Variants in HEXIM2 observed in about 807,000 individuals in gnomAD.
HEXIM2 encodes the protein protein HEXIM2.
For synonymous variants in HEXIM2, 159 were observed against 162.7 expected, an observed-to-expected ratio of 0.98 and a Z score of 0.17; for missense variants, 413 against 390.8, an observed-to-expected ratio of 1.06 and a Z score of -0.48.
chr17:45,161,938 A>T lies in HEXIM2; in HGVS notation c.-286A>T. The T allele has an allele frequency of 1.0e-6, 1 of 985,552 alleles. No individual in the cohort carries two copies. Among genetic ancestry groups the T allele is most frequent in the East Asian group, 1.1e-4 (1 of 8,810 alleles). 61.1% of individuals were successfully genotyped at this position (985,552 alleles called of 1,614,324 possible). ...CCAGAGCTGCTGCAACTGCAGCAAGAGGTAGGGCTCAGGCGTTGGGAATTG... is the reference window on the plus strand; with the variant it reads ...CCAGAGCTGCTGCAACTGCAGCAAGTGGTAGGGCTCAGGCGTTGGGAATTG... On this transcript the variant is annotated 5_prime_UTR_variant, in exon 1 of 4. Transcript: ENST00000589230.
upstream of HEXIM2, chr17:45,160,642 C>T: frequency 3.3e-6 from 1 of 306,658 alleles, no homozygotes; most frequent in East Asian, 8.0e-5. Context: ...GTGCCCCAAC[C>T]CTGTAAAGGG....
chr17:45,169,878 T>A lies in HEXIM2; in HGVS notation c.*69T>A. On this transcript the variant is annotated 3_prime_UTR_variant, in exon 4 of 4. Transcript: ENST00000589230. ...CGTGCACACTCAGGCCAGCTGGGTC[T>A]CAAGGAGGCAGGTGGCAGATGAAAA... 1 of 1,334,622 alleles carries A rather than the reference T, an allele frequency of 7.5e-7. No individual in the cohort carries two copies. Among genetic ancestry groups the A allele is most frequent in the East Asian group, 2.6e-5 (1 of 37,954 alleles). 82.7% of individuals were successfully genotyped at this position (1,334,622 alleles called of 1,614,324 possible).
intron 1 of HEXIM2, 33 bp downstream of exon 1, chr17:45,162,064 G>C: frequency 1.1e-6 from 1 of 947,452 alleles, no homozygotes; most frequent in Non-Finnish European, 1.3e-6. Flanking sequence ...CTCTTTCCAT[G>C]ACTGTCTCCC....
intron 3 of HEXIM2, among the ~76,000 whole-genome samples, chr17:45,166,490 GAT>G (rs1267978668): frequency 3.3e-5 from 5 of 152,166 alleles, no homozygotes. Context: ...CCACTTAACA[GAT>G]ATTTACTGAG....
intron 3 of HEXIM2, among the ~76,000 whole-genome samples, chr17:45,167,743 C>T (rs148344834): frequency 0.062 from 9,364 of 151,984 alleles, 852 homozygotes; most frequent in African/African-American, 0.19. Context: ...TACAGGCGCC[C>T]GCCATCACAC....
intron 3 of HEXIM2, among the ~76,000 whole-genome samples, chr17:45,165,252 A>G (rs1213753397): frequency 6.6e-6 from 1 of 152,116 alleles, no homozygotes; most frequent in Non-Finnish European, 1.5e-5. Context: ...GAAGTAACAC[A>G]ACAAACTCCA....
chr17:45,164,427 C>T (rs2144056175), intron 3 of HEXIM2, among the ~76,000 whole-genome samples: 1 of 152,258 alleles, frequency 6.6e-6, no homozygotes, highest in South Asian at 2.1e-4. Flanking sequence ...TGCACTCCAG[C>T]CTGGGCAACA....
In HEXIM2 at chr17:45,162,634, G is replaced by A; in HGVS notation, c.-46G>A. On this transcript the variant is annotated splice_region_variant and 5_prime_UTR_variant, in exon 2 of 4. Transcript: ENST00000589230. Reference sequence around the variant, plus strand: ...CTTCGGGGCCTGCATTTGAGAATAAGGGTATGAAGGGCTGGGGTACAAAAT... The same window carrying A: ...CTTCGGGGCCTGCATTTGAGAATAAAGGTATGAAGGGCTGGGGTACAAAAT... 4.0e-6 allele frequency: 6 copies of A among 1,490,506 alleles called. No individual in the cohort carries two copies. Among genetic ancestry groups the A allele is most frequent in the Admixed American group, 2.2e-5 (1 of 45,306 alleles). The allele number at this position is 1,490,506 out of a possible 1,614,324, so 92.3% of individuals were successfully genotyped here.
upstream of HEXIM2, among the ~76,000 whole-genome samples, chr17:45,160,286 CT>C (rs35243030): frequency 6.6e-6 from 1 of 152,050 alleles, no homozygotes; most frequent in Non-Finnish European, 1.5e-5. Flanking sequence ...AAACTGGTTT[CT>C]TTTTTGGTAG....
At position 45,169,885 on chromosome 17, in the gene HEXIM2, G is replaced by A; in HGVS notation, c.*76G>A. ...ACTCAGGCCAGCTGGGTCTCAAGGA[G>A]GCAGGTGGCAGATGAAAACCACCGT... On this transcript the variant is annotated 3_prime_UTR_variant, in exon 4 of 4. Transcript: ENST00000589230. 1.5e-6 allele frequency: 2 copies of A among 1,295,202 alleles called. No individual in the cohort carries two copies. Among genetic ancestry groups the A allele is most frequent in the Non-Finnish European group, 2.0e-6 (2 of 988,072 alleles). 80.2% of individuals were successfully genotyped at this position (1,295,202 alleles called of 1,614,324 possible). A position where few individuals can be genotyped will look rare whatever the true frequency, so the allele number is the denominator to read the frequency against.
intron 3 of HEXIM2, among the ~76,000 whole-genome samples, chr17:45,163,883 A>C (rs536229166): frequency 1.3e-5 from 2 of 152,082 alleles, no homozygotes; most frequent in Admixed American, 1.3e-4. Context: ...GGCCAGGCGC[A>C]GTGGCTCACG....
chr17:45,161,099 G>A (rs1312629561), upstream of HEXIM2: 1 of 515,988 alleles, frequency 1.9e-6, no homozygotes, highest in African/African-American at 2.0e-5. Flanking sequence ...GAGTCCCTCT[G>A]TGCGGGGCCT....
At position 45,169,376 on chromosome 17, in the gene HEXIM2, C is replaced by T; in HGVS notation, c.428C>T (p.Thr143Ile). ...AKGQPVAPYN[T>I]TQFLMNDRDP... ...GGCCAGCCCGTGGCCCCCTACAACACCACCCAGTTCCTGATGAATGACAGG... is the reference window on the plus strand; with the variant it reads ...GGCCAGCCCGTGGCCCCCTACAACATCACCCAGTTCCTGATGAATGACAGG... The change falls in exon 4 of 4, where the codon ACC becomes ATC. Residue 143 changes from threonine (T) to isoleucine (I), a missense_variant. Physicochemically the swap from Thr to Ile is moderately conservative, Grantham distance 89 (BLOSUM62 -1). Coordinates refer to ENST00000589230, the MANE Select transcript of HEXIM2 (RefSeq NM_001303441.2). 1.2e-6 allele frequency: 2 copies of T among 1,613,998 alleles called. No individual in the cohort carries two copies. Among genetic ancestry groups the T allele is most frequent in the Non-Finnish European group, 1.7e-6 (2 of 1,180,014 alleles).
chr17:45,169,064 C>CT lies in HEXIM2; in HGVS notation c.117dup (p.Gly40TrpfsTer17), dbSNP rs765650594. ...CAAACACCCCCTGAGCGTCATGACT[C>CT]TGGTGGTTCCCTGCCCCTGACACCG... On this transcript the variant is annotated frameshift_variant, in exon 4 of 4. Transcript: ENST00000589230. LOFTEE classifies it low-confidence loss of function (END_TRUNC). 1 of 1,614,060 alleles carries CT rather than the reference C, an allele frequency of 6.2e-7. No homozygotes were observed. The highest frequency in any genetic ancestry group is 8.5e-7 in the Non-Finnish European group (1 of 1,179,994).
rs200888637 is a variant in HEXIM2 at position 45,169,559 on chromosome 17, G to T, written c.611G>T (p.Ser204Ile). ...SETYERFHTE[S>I]LQGRSKQELV... is the part of the protein sequence containing the mutation. ...ACTTACGAACGCTTCCACACCGAGA[G>T]CCTGCAGGGCCGCAGCAAGCAGGAG... The change falls in exon 4 of 4, where the codon AGC (serine) becomes ATC (isoleucine). Residue 204 changes from serine to isoleucine, a missense_variant. Physicochemically the swap from Ser to Ile is moderately radical, Grantham distance 142 (BLOSUM62 -2). Transcript: ENST00000589230. The T allele has an allele frequency of 5.6e-5, 88 of 1,558,604 alleles. No individual in the cohort carries two copies. The highest frequency in any genetic ancestry group is 7.6e-5 in the Non-Finnish European group (87 of 1,152,186).
At position 45,169,005 on chromosome 17, in the gene HEXIM2, C is replaced by A; in HGVS notation, c.67-10C>A. 1 of 1,588,372 alleles carries A rather than the reference C, an allele frequency of 6.3e-7. No individual in the cohort carries two copies. Among genetic ancestry groups the A allele is most frequent in the East Asian group, 2.2e-5 (1 of 44,612 alleles). ...TCTGATCCATCCTTCTTCCTCCTCC[C>A]TCTCTTTAGACCTCTGGTGCCCCGG... On this transcript the variant is annotated splice_polypyrimidine_tract_variant and intron_variant, in intron 3 of 3. Transcript: ENST00000589230.
chr17:45,164,177 C>T (rs1336506085), intron 3 of HEXIM2, among the ~76,000 whole-genome samples: 3 of 150,336 alleles, frequency 2.0e-5, no homozygotes, highest in Admixed American at 6.7e-5. Flanking sequence ...TGCTGGAAGC[C>T]GGGTGCAGTG....
At chr17:45,161,089 G>C, upstream of HEXIM2, 1 of 563,234 alleles carries the variant, frequency 1.8e-6, no homozygotes, top group Non-Finnish European at 3.0e-6. Context: ...GTCGAAGTGG[G>C]AGTCCCTCTG....
Position 45,169,773 on chromosome 17 carries a change from A to G in HEXIM2, c.825A>G (p.Arg275=), listed in dbSNP as rs1215809645. The change falls in exon 4 of 4, where the codon CGA becomes CGG. Residue 275 remains arginine (R), a synonymous_variant. Transcript: ENST00000589230. ...GTCAGGAGAACCAGATGTGGAACCG[A>G]GAGGGCTGCCGCTGTGATGAGGAGC... The part of the protein sequence containing the change: ...RLRQENQMWN[R]EGCRCDEEPG... The G allele has an allele frequency of 6.2e-6, 9 of 1,457,330 alleles. No homozygotes were observed. The highest frequency in any genetic ancestry group is 8.1e-6 in the Non-Finnish European group (9 of 1,105,320). 90.3% of individuals were successfully genotyped at this position (1,457,330 alleles called of 1,614,324 possible).
Sources: gnomAD v4.1 joint callset for allele counts (sites outside exome capture counted in the v4.1 genomes callset) on GRCh38, gnomAD v4.1.1 for gene constraint, MANE v1.5 for transcripts, NCBI Gene and HGNC (gene_info 2026-07-23, HGNC 2026-07-21) for gene names.